DPYD: variants seen among roughly 807,000 people sequenced by gnomAD.
DPYD encodes the protein dihydropyrimidine dehydrogenase [NADP(+)].
In DPYD, 109 loss-of-function variants were observed where a neutral mutation model predicts 116.2. The ratio of observed to expected loss-of-function variants is 0.94; its 90% CI spans 0.80 to 1.10. The LOEUF (loss-of-function observed/expected upper bound fraction) is 1.10, where lower values mean the gene tolerates loss of function less well. Ranked by LOEUF, DPYD falls within the 50% of genes least tolerant of loss-of-function variation. The pLI, the probability that DPYD is intolerant of heterozygous loss-of-function variation, is 0.00. For synonymous variants in DPYD, 440 were observed against 432.0 expected (o/e 1.02, Z -0.23); for missense variants, 1,302 against 1,254.5 (o/e 1.04, Z -0.57).
chr1:97,472,564 G>T (rs1049179689), intron 13 of DPYD, among the ~76,000 whole-genome samples: 1 of 152,156 alleles, frequency 6.6e-6, no homozygotes, highest in Non-Finnish European at 1.5e-5. Context: ...ATACATATTA[G>T]CCAGGGCACT....
intron 18 of DPYD, among the ~76,000 whole-genome samples, chr1:97,287,895 T>C (rs1558001269): frequency 1.3e-5 from 2 of 151,934 alleles, no homozygotes; most frequent in Admixed American, 6.6e-5. Context: ...ACTGGCAAAT[T>C]AGATAAAGAG....
At chr1:97,499,016 T>G (rs1421231770) in intron 13 of DPYD, among the ~76,000 whole-genome samples, 1 of 151,690 alleles carries the variant, frequency 6.6e-6, no homozygotes, top group Non-Finnish European at 1.5e-5. Context: ...CCTTTATAAC[T>G]TATAATAAAT....
At chr1:97,751,454 GTGTGTGTATATATATATATATA>G (rs1664897076) in intron 3 of DPYD, among the ~76,000 whole-genome samples, 3 of 29,408 alleles carry the variant, frequency 1.0e-4, no homozygotes, top group Admixed American at 4.9e-4. Context: ...GTGTGTGTGT[GTGTGTGTATATATATATATATA>G]TATATATATA....
At chr1:97,164,876 T>G (rs1656202480) in intron 20 of DPYD, among the ~76,000 whole-genome samples, 1 of 151,836 alleles carries the variant, frequency 6.6e-6, no homozygotes, top group Non-Finnish European at 1.5e-5. Flanking sequence ...TTCTTTTTTT[T>G]TTTTTGTATT....
intron 8 of DPYD, among the ~76,000 whole-genome samples, chr1:97,668,905 T>C (rs1659710678): frequency 6.6e-6 from 1 of 152,120 alleles, no homozygotes; most frequent in African/African-American, 2.4e-5. Flanking sequence ...AAGCAGCAAT[T>C]TTCCAATTAA....
intron 20 of DPYD, among the ~76,000 whole-genome samples, chr1:97,168,919 T>C (rs1210378001): frequency 2.6e-5 from 4 of 151,672 alleles, no homozygotes; most frequent in African/African-American, 9.7e-5. Flanking sequence ...TGATCGCAGC[T>C]CACTGCAACC....
chr1:97,300,801 C>T (rs912834464), intron 18 of DPYD, among the ~76,000 whole-genome samples: 1 of 152,060 alleles, frequency 6.6e-6, no homozygotes, highest in Non-Finnish European at 1.5e-5. Flanking sequence ...AAGTAACTAT[C>T]TTAAAAACAC....
chr1:97,911,486 A>C (rs1246971933), intron 1 of DPYD, among the ~76,000 whole-genome samples: 1 of 152,112 alleles, frequency 6.6e-6, no homozygotes, highest in Non-Finnish European at 1.5e-5. Context: ...CACCCAAGGA[A>C]GAAGTATGTT....
At chr1:97,877,129 C>T (rs12062845) in intron 2 of DPYD, among the ~76,000 whole-genome samples, 1 of 151,786 alleles carries the variant, frequency 6.6e-6, no homozygotes, top group African/African-American at 2.4e-5. Flanking sequence ...CTTCTCTGAA[C>T]CCCAGTGTTG....
intron 14 of DPYD, among the ~76,000 whole-genome samples, chr1:97,383,307 T>A (rs1481536921): frequency 6.6e-6 from 1 of 151,634 alleles, no homozygotes; most frequent in Non-Finnish European, 1.5e-5. Flanking sequence ...TAAAACCCCA[T>A]CTCTACTAAA....
At chr1:97,653,098 T>A (rs1358555142) in intron 8 of DPYD, among the ~76,000 whole-genome samples, 2 of 152,126 alleles carry the variant, frequency 1.3e-5, no homozygotes, top group Non-Finnish European at 2.9e-5. Context: ...CTGTCCTCCC[T>A]TTGTACGTCA....
intron 19 of DPYD, among the ~76,000 whole-genome samples, chr1:97,209,745 C>A (rs1035628861): frequency 6.6e-6 from 1 of 152,134 alleles, no homozygotes; most frequent in African/African-American, 2.4e-5. Flanking sequence ...TCATTTTCCA[C>A]ATGAGGAAAT....
At chr1:97,471,308 A>C (rs569815629) in intron 13 of DPYD, among the ~76,000 whole-genome samples, 40 of 152,312 alleles carry the variant, frequency 2.6e-4, no homozygotes, top group African/African-American at 8.9e-4. Context: ...AATAAAAAAA[A>C]CCCGAAAAAC....
intron 3 of DPYD, among the ~76,000 whole-genome samples, chr1:97,772,383 A>T (rs887060794): frequency 6.6e-6 from 1 of 152,216 alleles, no homozygotes; most frequent in African/African-American, 2.4e-5. Context: ...CAGCCTGTTC[A>T]GTTAACAACA....
At chr1:97,750,495 T>C (rs2101095893) in intron 3 of DPYD, among the ~76,000 whole-genome samples, 1 of 152,326 alleles carries the variant, frequency 6.6e-6, no homozygotes, top group Non-Finnish European at 1.5e-5. Context: ...TTGCGTTTTT[T>C]GCAATAAGTA....
chr1:97,140,761 T>G (rs935486190), intron 20 of DPYD, among the ~76,000 whole-genome samples: 2 of 152,152 alleles, frequency 1.3e-5, no homozygotes, highest in African/African-American at 2.4e-5. Flanking sequence ...ACAAGTTTCC[T>G]GGCTGGACTC....
Position 97,647,703 on chromosome 1 carries a change from T to A in DPYD, c.850+31392A>T, listed in dbSNP as rs1658349933. 2.0e-5 allele frequency among the ~76,000 whole-genome samples: 3 copies of A among 152,020 alleles called. No individual in the cohort carries two copies. The South Asian group carries it at 6.2e-4, about 31-fold the overall frequency. On this transcript the variant is annotated intron_variant, in intron 8 of 22. Transcript: ENST00000370192. The stretch of plus-strand genomic sequence containing the variant: ...CAAACCATATTATATCTGCATAGTA[T>A]CTTTGTATAATTGTATAACTTCTGA...
chr1:97,582,760 A>T (rs1024593808), intron 10 of DPYD, among the ~76,000 whole-genome samples: 2 of 152,230 alleles, frequency 1.3e-5, no homozygotes, highest in Non-Finnish European at 1.5e-5. Flanking sequence ...AATCTTGAAC[A>T]TAAAGAAACA....
At chr1:97,263,648 A>G (rs1393487587) in intron 18 of DPYD, among the ~76,000 whole-genome samples, 1 of 152,090 alleles carries the variant, frequency 6.6e-6, no homozygotes, top group Non-Finnish European at 1.5e-5. Flanking sequence ...GAAAACCTAT[A>G]CCCTCTATGG....
Sources: gnomAD v4.1 joint callset for allele counts (sites outside exome capture counted in the v4.1 genomes callset) on GRCh38, gnomAD v4.1.1 for gene constraint, MANE v1.5 for transcripts, NCBI Gene and HGNC (gene_info 2026-07-23, HGNC 2026-07-21) for gene names.